The following LAMA1 variants were observed in gnomAD, a reference collection of about 807,000 sequenced individuals.
LAMA1 encodes laminin subunit alpha 1.
Under a neutral mutation model 348.7 loss-of-function variants are expected in LAMA1, and 219 were observed. The observed-to-expected ratio is 0.63, with a 90% CI of 0.56 to 0.70. The LOEUF is 0.70. LAMA1 is among the 30% of genes least tolerant of loss of function. LAMA1 has a pLI of 0.00. For missense variants in LAMA1, 3,744 were observed against 3,888.0 expected, an observed-to-expected ratio of 0.96 and a Z score of 0.99; for synonymous variants, 1,487 against 1,491.0, an observed-to-expected ratio of 1.00 and a Z score of 0.06.
At chr18:7,105,546 G>A (rs1598322576) in intron 1 of LAMA1, among the ~76,000 whole-genome samples, 2 of 152,198 alleles carry the variant, frequency 1.3e-5, no homozygotes, top group East Asian at 3.8e-4. Context: ...GGAGTCGCCA[G>A]ACATGAGAAG....
Position 7,008,424 on chromosome 18 carries a change from G to A in LAMA1, c.4122+64C>T. 2.5e-6 allele frequency: 4 copies of A among 1,594,348 alleles called. No individual in the cohort carries two copies. In the Admixed American group the frequency reaches 5.1e-5, roughly 20 times the overall value. On this transcript the variant is annotated intron_variant, in intron 28 of 62. Transcript: ENST00000389658. ...ACATAAGTTCTGTTCATCTCTGGGA[G>A]TTGCTGTAACAAGCACATTTCAACT...
chr18:7,074,967 CAAAAAAAAAAAAAAAAAAAAAAA>C (rs773818069), intron 3 of LAMA1, among the ~76,000 whole-genome samples: 8 of 52,258 alleles, frequency 1.5e-4, no homozygotes, highest in Non-Finnish European at 2.3e-4. Context: ...TACATAGAGG[CAAAAAAAAAAAAAAAAAAAAAAA>C]AAAAAAAAAA....
intron 1 of LAMA1, among the ~76,000 whole-genome samples, chr18:7,098,949 C>T (rs559618218): frequency 1.0e-3 from 159 of 151,858 alleles, no homozygotes; most frequent in Non-Finnish European, 1.5e-3. Context: ...GCCCGGCCAC[C>T]ACCCCGTCTG....
intron 57 of LAMA1, among the ~76,000 whole-genome samples, chr18:6,952,694 C>A (rs1286778655): frequency 2.0e-5 from 3 of 152,266 alleles, no homozygotes; most frequent in African/African-American, 4.8e-5. Context: ...GATGAGATCT[C>A]ATGCCATCCC....
intron 3 of LAMA1, among the ~76,000 whole-genome samples, chr18:7,074,148 T>C (rs2058157416): frequency 6.6e-6 from 1 of 152,082 alleles, no homozygotes; most frequent in Admixed American, 6.5e-5. Flanking sequence ...AACCACACTG[T>C]TTTTCATAAC....
intron 1 of LAMA1, 139 bp from the exon 2 acceptor site, chr18:7,080,596 A>AT (rs766818647): frequency 5.7e-6 from 5 of 877,660 alleles, no homozygotes; most frequent in Non-Finnish European, 9.3e-6. Flanking sequence ...CAAACACCGT[A>AT]TACGCAGCAT....
chr18:6,951,990 G>A (rs1346018137), intron 57 of LAMA1, among the ~76,000 whole-genome samples: 3 of 152,190 alleles, frequency 2.0e-5, no homozygotes, highest in Non-Finnish European at 4.4e-5. Context: ...ACACAGAGAT[G>A]TTGAGTGGCT....
rs1008904356 is a variant in LAMA1, at chr18:7,042,206, G to A, written c.1200C>T (p.Asp400=). Residue 400 remains aspartate (D), a synonymous_variant, in exon 9 of 63, where the codon GAC becomes GAT. Coordinates refer to ENST00000389658, the MANE Select transcript of LAMA1 (RefSeq NM_005559.4). ...EDEPCRPCNC[D]PVGSLSSVCI... ...AGACAGAACTGAGGGACCCCACAGG[G>A]TCACAATTACAGGGGCGGCAAGGCT... is the stretch of plus-strand genomic sequence containing the variant. The A allele has an allele frequency of 1.2e-6, 2 of 1,612,738 alleles. No homozygotes were observed. The highest frequency in any genetic ancestry group is 1.7e-6 in the Non-Finnish European group (2 of 1,179,258).
chr18:6,965,575 G>A (rs570990824), intron 49 of LAMA1, 143 bp from the exon 50 acceptor site: 7 of 888,026 alleles, frequency 7.9e-6, no homozygotes, highest in African/African-American at 3.4e-5. Flanking sequence ...TATCGGCTAC[G>A]AAACCAAAAA....
Position 7,022,543 on chromosome 18 carries a change from T to C in LAMA1, c.2701+621A>G, listed in dbSNP as rs867160898. Among the ~76,000 whole-genome samples, 9 of 152,326 alleles carry C rather than the reference T, an allele frequency of 5.9e-5. No individual in the cohort carries two copies. The South Asian group carries it at 1.9e-3, about 32-fold the overall frequency. On this transcript the variant is annotated intron_variant, in intron 19 of 62. Coordinates refer to ENST00000389658, the MANE Select transcript of LAMA1 (RefSeq NM_005559.4). The stretch of plus-strand genomic sequence containing the variant: ...TGGCGTTTATATGAAATACTCAAAA[T>C]AATTTATAATTGCCACTTTTGTTCT...
intron 36 of LAMA1, among the ~76,000 whole-genome samples, chr18:6,988,242 A>C (rs767379116): frequency 4.6e-5 from 7 of 152,236 alleles, no homozygotes; most frequent in Admixed American, 2.0e-4. Context: ...TCAACAAAAA[A>C]ACCCCACTCA....
At chr18:7,098,698 A>G (rs1393194528) in intron 1 of LAMA1, among the ~76,000 whole-genome samples, 95 of 139,466 alleles carry the variant, frequency 6.8e-4, no homozygotes, top group Admixed American at 1.7e-3. Context: ...CCCGGCAGCC[A>G]CCCCATCCGG....
At position 6,981,749 on chromosome 18, in the gene LAMA1, C is replaced by T. The variant is rs146010842; in HGVS notation, c.5890+748G>A. Among the ~76,000 whole-genome samples the T allele has an allele frequency of 6.6e-3, 1,001 of 152,262 alleles. 20 individuals are homozygous for T. The highest frequency in any genetic ancestry group is 0.023 in the African/African-American group (938 of 41,546). ...CTGTGGAAGGATCCAGTGTTAGACTCGGAAGTAAGTCACCTGTAAAGGGTA... is the reference window on the plus strand; with the variant it reads ...CTGTGGAAGGATCCAGTGTTAGACTTGGAAGTAAGTCACCTGTAAAGGGTA... On this transcript the variant is annotated intron_variant, in intron 41 of 62. Coordinates refer to ENST00000389658, the MANE Select transcript of LAMA1 (RefSeq NM_005559.4).
chr18:7,082,211 TA>T (rs1311599804), intron 1 of LAMA1, among the ~76,000 whole-genome samples: 1 of 152,200 alleles, frequency 6.6e-6, no homozygotes, highest in Non-Finnish European at 1.5e-5. Context: ...CCTCTCAAGA[TA>T]AAATAGTTAT....
chr18:7,002,514 G>C (rs1464313916), intron 29 of LAMA1, 129 bp from the exon 30 acceptor site: 3 of 1,028,666 alleles, frequency 2.9e-6, no homozygotes, highest in Non-Finnish European at 4.5e-6. Flanking sequence ...CAGGAAAGGG[G>C]AGCATTTTCC....
chr18:7,003,276 A>C (rs2057816339), intron 29 of LAMA1, among the ~76,000 whole-genome samples: 1 of 148,012 alleles, frequency 6.8e-6, no homozygotes, highest in South Asian at 2.1e-4. Flanking sequence ...TTTGAGACAG[A>C]GTCTCGCTCT....
chr18:6,999,617 C>T lies in LAMA1; in HGVS notation c.4491G>A (p.Gly1497=), dbSNP rs138248122. Residue 1497 remains glycine (G), a synonymous_variant, in exon 32 of 63, where the codon GGG becomes GGA. Coordinates refer to ENST00000389658, the MANE Select transcript of LAMA1 (RefSeq NM_005559.4). ...AACTGCCACCTGGTGTTTGAGGGTT[C>T]CCATAATAGCTTGAGGAGCACCTAC... is the stretch of plus-strand genomic sequence containing the variant. ...HCERCSSSYY[G]NPQTPGGSCQ... The T allele has an allele frequency of 1.8e-5, 29 of 1,612,626 alleles. No individual in the cohort carries two copies. The highest frequency in any genetic ancestry group is 2.7e-5 in the African/African-American group (2 of 74,886).
At position 7,038,961 on chromosome 18, in the gene LAMA1, G is replaced by T; in HGVS notation, c.1423-11C>A. On this transcript the variant is annotated splice_polypyrimidine_tract_variant and intron_variant, in intron 10 of 62. Coordinates refer to ENST00000389658, the MANE Select transcript of LAMA1 (RefSeq NM_005559.4). The stretch of plus-strand genomic sequence containing the variant: ...CCCCTCAACGTTTTCCTGTAAGTTA[G>T]GGTAAAAGATTAGCTTTTGAAACCA... 6.2e-7 allele frequency: 1 copy of T among 1,610,380 alleles called. No homozygotes were observed. The highest frequency in any genetic ancestry group is 8.5e-7 in the Non-Finnish European group (1 of 1,176,684).
chr18:7,080,220 T>A, intron 2 of LAMA1, 67 bp downstream of exon 2: 1 of 1,606,526 alleles, frequency 6.2e-7, no homozygotes, highest in South Asian at 1.1e-5. Flanking sequence ...CTAACAGAAG[T>A]CTCAGTCCTC....
Sources: gnomAD v4.1 joint callset for allele counts (sites outside exome capture counted in the v4.1 genomes callset) on GRCh38, gnomAD v4.1.1 for gene constraint, MANE v1.5 for transcripts, NCBI Gene and HGNC (gene_info 2026-07-23, HGNC 2026-07-21) for gene names.